Variants in ARID5B observed in about 807,000 individuals in gnomAD.
ARID5B encodes the protein AT-rich interactive domain-containing protein 5B.
A neutral mutation model predicts 97.2 loss-of-function variants in ARID5B; 13 were observed. That is an observed-to-expected ratio of 0.13 (90% confidence interval 0.09 to 0.21). ARID5B has a LOEUF of 0.21. Among genes scored for constraint, ARID5B ranks in the 10% least tolerant of loss-of-function variants. The probability of loss-of-function intolerance (pLI) is 1.00; values close to 1 mark genes in which losing one functional copy is unlikely to be tolerated. For synonymous variants in ARID5B, 556 were observed against 570.3 expected (o/e 0.97, Z 0.36); for missense variants, 1,210 against 1,465.3 (o/e 0.83, Z 2.84).
At chr10:61,997,418 A>C (rs889797078) in intron 3 of ARID5B, among the ~76,000 whole-genome samples, 4 of 152,122 alleles carry the variant, frequency 2.6e-5, no homozygotes, top group African/African-American at 9.7e-5. Flanking sequence ...AGGGATATGA[A>C]GGAAGTGAAG....
At chr10:61,926,179 T>G (rs983903507) in intron 2 of ARID5B, among the ~76,000 whole-genome samples, 1 of 152,252 alleles carries the variant, frequency 6.6e-6, no homozygotes, top group Non-Finnish European at 1.5e-5. Flanking sequence ...AGTGGTGATT[T>G]CTGCCGTCTT....
chr10:62,064,465 A>G (rs1298929729), intron 7 of ARID5B, among the ~76,000 whole-genome samples: 1 of 152,232 alleles, frequency 6.6e-6, no homozygotes, highest in Admixed American at 6.5e-5. Context: ...TAAGTCTGAA[A>G]GATTTCTGAT....
At chr10:62,071,610 AGT>A (rs146298913) in intron 8 of ARID5B, among the ~76,000 whole-genome samples, 3 of 149,078 alleles carry the variant, frequency 2.0e-5, no homozygotes, top group South Asian at 2.1e-4. Context: ...AACCCATAGT[AGT>A]GTGTGTGTGT....
intron 2 of ARID5B, among the ~76,000 whole-genome samples, chr10:61,921,226 A>G (rs567414357): frequency 6.6e-6 from 1 of 152,236 alleles, no homozygotes; most frequent in Non-Finnish European, 1.5e-5. Context: ...TTAAAACAAC[A>G]CTTACTATCC....
chr10:62,046,405 A>G (rs1475525085), intron 4 of ARID5B, among the ~76,000 whole-genome samples: 1 of 152,236 alleles, frequency 6.6e-6, no homozygotes, highest in Non-Finnish European at 1.5e-5. Context: ...AAATAAATAT[A>G]TAAACAAATT....
chr10:61,903,078 C>A (rs752134822), intron 2 of ARID5B, among the ~76,000 whole-genome samples: 179 of 152,284 alleles, frequency 1.2e-3, no homozygotes, highest in Non-Finnish European at 2.3e-3. Context: ...CTCGCCCACT[C>A]CCCCTCCCCC....
intron 3 of ARID5B, among the ~76,000 whole-genome samples, chr10:61,996,073 G>A (rs1279668402): frequency 2.0e-5 from 3 of 152,104 alleles, no homozygotes; most frequent in Non-Finnish European, 4.4e-5. Flanking sequence ...GAAAGGTAGG[G>A]GTTCTAGGCT....
At chr10:62,037,675 A>G (rs2132913642) in intron 4 of ARID5B, among the ~76,000 whole-genome samples, 1 of 152,306 alleles carries the variant, frequency 6.6e-6, no homozygotes, top group South Asian at 2.1e-4. Flanking sequence ...ATTTTTCTTA[A>G]AGCTAAACAA....
At chr10:62,065,845 C>CAAAAAA (rs60296263) in intron 7 of ARID5B, among the ~76,000 whole-genome samples, 1,398 of 88,056 alleles carry the variant, frequency 0.016, 4 homozygotes, top group African/African-American at 0.022. Context: ...GACTCTGTCT[C>CAAAAAA]AAAAAAAAAA....
intron 4 of ARID5B, among the ~76,000 whole-genome samples, chr10:62,019,195 A>G (rs1460792218): frequency 6.6e-6 from 1 of 152,222 alleles, no homozygotes; most frequent in African/African-American, 2.4e-5. Context: ...GAAGTGGTTT[A>G]TGTTAGAATA....
chr10:62,057,110 T>C lies in ARID5B; in HGVS notation c.847-7T>C, dbSNP rs762290593. The C allele has an allele frequency of 1.9e-6, 3 of 1,613,204 alleles. No individual in the cohort carries two copies. The East Asian group carries it at 6.7e-5, about 36-fold the overall frequency. ...TCGTCTGATGTGGTATATTTTCCCTTTTCCAGGTGAAATGTGAGGCCAGGT... is the reference window on the plus strand; with the variant it reads ...TCGTCTGATGTGGTATATTTTCCCTCTTCCAGGTGAAATGTGAGGCCAGGT... On this transcript the variant is annotated splice_polypyrimidine_tract_variant and splice_region_variant and intron_variant, in intron 5 of 9. Transcript: ENST00000279873.
chr10:62,041,393 A>G (rs1006198853), intron 4 of ARID5B, among the ~76,000 whole-genome samples: 1 of 152,226 alleles, frequency 6.6e-6, no homozygotes, highest in Non-Finnish European at 1.5e-5. Context: ...AATGTCTCCG[A>G]ATCTCAGACA....
chr10:62,087,605 G>A (rs1840308832), intron 9 of ARID5B, among the ~76,000 whole-genome samples: 1 of 150,464 alleles, frequency 6.6e-6, no homozygotes, highest in Admixed American at 6.6e-5. Context: ...AGGGAATTTT[G>A]ATGCTGATAT....
chr10:62,083,154 T>C (rs1368905260), intron 8 of ARID5B, among the ~76,000 whole-genome samples: 24 of 152,138 alleles, frequency 1.6e-4, no homozygotes, highest in Admixed American at 1.5e-3. Context: ...ACCTTAGTCA[T>C]GCCTCTTTCC....
At chr10:61,958,297 T>C (rs954796869) in intron 3 of ARID5B, among the ~76,000 whole-genome samples, 1 of 152,174 alleles carries the variant, frequency 6.6e-6, no homozygotes, top group Non-Finnish European at 1.5e-5. Flanking sequence ...TGGTGTGATC[T>C]CAGCCCACTG....
rs905485483 is a variant in ARID5B at position 62,095,008 on chromosome 10, A to G, written c.*1978A>G. 4.3e-6 allele frequency: 1 copy of G among 230,376 alleles called. No homozygotes were observed. The highest frequency in any genetic ancestry group is 2.2e-5 in the African/African-American group (1 of 45,172). 14.3% of individuals were successfully genotyped at this position (230,376 alleles called of 1,614,324 possible). On this transcript the variant is annotated 3_prime_UTR_variant, in exon 10 of 10. Transcript: ENST00000279873. The stretch of plus-strand genomic sequence containing the variant: ...TATGAAGCCAAATATTCAATGTAAC[A>G]TACTTAATATCCAAAGGTGGAAACA...
chr10:62,049,192 GC>G, intron 4 of ARID5B: 2 of 1,290,848 alleles, frequency 1.5e-6, no homozygotes, highest in Non-Finnish European at 2.0e-6. Flanking sequence ...CCATCTCCGT[GC>G]GGGGAGGTGG....
At chr10:61,981,605 C>T (rs1462247670) in intron 3 of ARID5B, among the ~76,000 whole-genome samples, 2 of 151,846 alleles carry the variant, frequency 1.3e-5, no homozygotes, top group African/African-American at 4.8e-5. Flanking sequence ...TTTTTTTTCC[C>T]TGTAGTTTGG....
At chr10:62,063,510 TAAA>T (rs11343237) in intron 7 of ARID5B, among the ~76,000 whole-genome samples, 2 of 141,728 alleles carry the variant, frequency 1.4e-5, no homozygotes, top group African/African-American at 2.6e-5. Context: ...CAAATTGAAT[TAAA>T]AAAAAAAAAA....
Sources: allele counts gnomAD v4.1 joint callset (sites outside exome capture counted in the v4.1 genomes callset), GRCh38; gene constraint gnomAD v4.1.1; transcripts MANE v1.5; gene names NCBI Gene and HGNC (gene_info 2026-07-23, HGNC 2026-07-21).